NBEA: variants seen among roughly 807,000 people sequenced by gnomAD.
The protein encoded by NBEA is neurobeachin.
A neutral mutation model predicts 343.4 loss-of-function variants in NBEA; 44 were observed. That is an observed-to-expected ratio of 0.13 (90% confidence interval 0.10 to 0.16). The LOEUF (loss-of-function observed/expected upper bound fraction) is 0.16, where lower values mean the gene tolerates loss of function less well. Ranked by LOEUF, NBEA falls within the 10% of genes least tolerant of loss-of-function variation. The pLI, the probability that NBEA is intolerant of heterozygous loss-of-function variation, is 1.00. For missense variants in NBEA, 2,555 were observed against 3,631.3 expected (o/e 0.70, Z 7.62); for synonymous variants, 1,175 against 1,238.7 (o/e 0.95, Z 1.08).
At chr13:35,209,258 G>A (rs1178766761) in intron 32 of NBEA, among the ~76,000 whole-genome samples, 1 of 152,306 alleles carries the variant, frequency 6.6e-6, no homozygotes, top group East Asian at 1.9e-4. Context: ...GATTGGTTGA[G>A]TTCTAATATA....
At chr13:35,206,442 A>G (rs1266258636) in intron 31 of NBEA, among the ~76,000 whole-genome samples, 1 of 152,154 alleles carries the variant, frequency 6.6e-6, no homozygotes. Context: ...TACTTTCACT[A>G]ATGACTTATC....
chr13:35,597,941 G>A (rs1232406014), intron 47 of NBEA, among the ~76,000 whole-genome samples: 4 of 152,112 alleles, frequency 2.6e-5, no homozygotes, highest in Admixed American at 1.3e-4. Context: ...GGATTACTGT[G>A]CCCACCTTCG....
chr13:35,627,932 A>C (rs1203246519), intron 48 of NBEA, 149 bp from the exon 49 acceptor site: 11 of 534,220 alleles, frequency 2.1e-5, no homozygotes, highest in Non-Finnish European at 3.4e-5. Context: ...ATTTCTAGGA[A>C]CTGAAGATCT....
At chr13:35,569,371 T>C (rs1330599471) in intron 45 of NBEA, among the ~76,000 whole-genome samples, 1 of 152,198 alleles carries the variant, frequency 6.6e-6, no homozygotes, top group Non-Finnish European at 1.5e-5. Flanking sequence ...TTATAAAATA[T>C]ATATACGATA....
chr13:35,066,100 A>G (rs778684440), intron 8 of NBEA, among the ~76,000 whole-genome samples: 1 of 152,062 alleles, frequency 6.6e-6, no homozygotes, highest in African/African-American at 2.4e-5. Context: ...AGCTGGGACT[A>G]TAGGCACAAG....
In NBEA at chr13:34,990,342, A is replaced by C. The variant is rs562864324; in HGVS notation, c.294+47228A>C. ...TCTGCCAGGATATCCAGACATTTCT[A>C]TTCTCTGATAGCTATTTGGAGGCTC... On this transcript the variant is annotated intron_variant, in intron 1 of 58. Coordinates refer to ENST00000379939, the MANE Select transcript of NBEA (RefSeq NM_001385012.1). 1.5e-3 allele frequency among the ~76,000 whole-genome samples: 226 copies of C among 151,208 alleles called. 2 individuals are homozygous for C. The highest frequency in any genetic ancestry group is 5.0e-3 in the African/African-American group (207 of 41,490).
chr13:35,331,170 A>G (rs980018967), intron 36 of NBEA, among the ~76,000 whole-genome samples: 2 of 152,026 alleles, frequency 1.3e-5, no homozygotes, highest in African/African-American at 4.8e-5. Flanking sequence ...AAAAGGAACT[A>G]CCATTTTCAG....
intron 10 of NBEA, among the ~76,000 whole-genome samples, chr13:35,092,422 A>AT (rs1229851822): frequency 6.6e-6 from 1 of 152,000 alleles, no homozygotes; most frequent in African/African-American, 2.4e-5. Flanking sequence ...AGATGCAATG[A>AT]AAAGACACAG....
At chr13:35,471,432 T>A (rs2075643963) in intron 40 of NBEA, among the ~76,000 whole-genome samples, 1 of 152,208 alleles carries the variant, frequency 6.6e-6, no homozygotes, top group South Asian at 2.1e-4. Context: ...GGGATTATGA[T>A]GCGCCCTTGC....
At chr13:35,461,102 C>T (rs141085814) in intron 40 of NBEA, among the ~76,000 whole-genome samples, 450 of 152,266 alleles carry the variant, frequency 3.0e-3, no homozygotes, top group Middle Eastern at 0.014. Flanking sequence ...GACCCAGTCA[C>T]CTCTTAAAGG....
chr13:35,567,023 T>C lies in NBEA; in HGVS notation c.7035+6T>C. ...ACTTCAGGGATCTATCAAAGGTAAC[T>C]TTTAAATATATAGAAGTCAGCTTTC... On this transcript the variant is annotated splice_donor_region_variant and intron_variant, in intron 45 of 58. Transcript: ENST00000379939. 3 of 1,506,732 alleles carry C rather than the reference T, an allele frequency of 2.0e-6. No individual in the cohort carries two copies. Among genetic ancestry groups the C allele is most frequent in the Non-Finnish European group, 2.8e-6 (3 of 1,084,688 alleles). 93.3% of individuals were successfully genotyped at this position (1,506,732 alleles called of 1,614,324 possible).
intron 41 of NBEA, among the ~76,000 whole-genome samples, chr13:35,535,245 A>G (rs1487061093): frequency 6.6e-6 from 1 of 152,198 alleles, no homozygotes; most frequent in Non-Finnish European, 1.5e-5. Context: ...CAAAAACACC[A>G]TGGGAAATTC....
In NBEA at chr13:35,211,064, T is replaced by C. The variant is rs2073741888; in HGVS notation, c.5533T>C (p.Ser1845Pro). 2.6e-6 allele frequency: 4 copies of C among 1,550,518 alleles called. No individual in the cohort carries two copies. Among genetic ancestry groups the C allele is most frequent in the Non-Finnish European group, 3.5e-6 (4 of 1,146,458 alleles). Residue 1845 changes from serine (S) to proline (P), a missense_variant, in exon 33 of 59, where the codon TCA becomes CCA. By Grantham distance (74) the Ser-to-Pro change is moderately conservative. Transcript: ENST00000379939. ...TATTTTGGGAACAGGTGCCGTGGATTCAGGGTCCTCCTCCTCTTCCTCCTC... is the reference window on the plus strand; with the variant it reads ...TATTTTGGGAACAGGTGCCGTGGATCCAGGGTCCTCCTCCTCTTCCTCCTC... ...SMINTTGAVD[S>P]GSSSSSSSSS...
At chr13:35,279,127 G>A (rs1376430201) in intron 34 of NBEA, among the ~76,000 whole-genome samples, 1 of 152,146 alleles carries the variant, frequency 6.6e-6, no homozygotes, top group Non-Finnish European at 1.5e-5. Context: ...AATAAAGCAA[G>A]CCCTGGCCAA....
intron 38 of NBEA, among the ~76,000 whole-genome samples, chr13:35,394,056 A>C (rs773630475): frequency 8.5e-5 from 13 of 152,132 alleles, no homozygotes; most frequent in Non-Finnish European, 1.8e-4. Context: ...GAACTATTTT[A>C]TATCATTGTA....
intron 41 of NBEA, among the ~76,000 whole-genome samples, chr13:35,541,226 G>A (rs1222695281): frequency 6.6e-6 from 1 of 151,094 alleles, no homozygotes; most frequent in Non-Finnish European, 1.5e-5. Context: ...TTACATACAT[G>A]TTTACATATG....
At position 35,118,427 on chromosome 13, in the gene NBEA, A is replaced by T; in HGVS notation, c.2196A>T (p.Glu732Asp). ...VLQLLVALMS[E>D]HPASMIPAFD... ...AGTTACTGGTGGCTTTAATGTCGGAACACCCAGCCTCAATGATACCAGCAT... is the reference window on the plus strand; with the variant it reads ...AGTTACTGGTGGCTTTAATGTCGGATCACCCAGCCTCAATGATACCAGCAT... Residue 732 changes from glutamate (E) to aspartate (D), a missense_variant, in exon 16 of 59, where the codon GAA (glutamate) becomes GAT (aspartate). Glu to Asp is a conservative substitution (Grantham distance 45). This residue lies in a region of NBEA where 360 missense variants were observed against 519.1 expected (regional missense o/e 0.69). Transcript: ENST00000379939. 1 of 1,607,252 alleles carries T rather than the reference A, an allele frequency of 6.2e-7. No homozygotes were observed. Among genetic ancestry groups the T allele is most frequent in the Non-Finnish European group, 8.5e-7 (1 of 1,177,282 alleles).
intron 44 of NBEA, among the ~76,000 whole-genome samples, chr13:35,559,223 T>A (rs1188424085): frequency 6.6e-6 from 1 of 152,168 alleles, no homozygotes; most frequent in Admixed American, 6.5e-5. Flanking sequence ...TCCTGATTGG[T>A]GGACAGTGTG....
intron 48 of NBEA, among the ~76,000 whole-genome samples, chr13:35,620,861 T>C (rs1332006988): frequency 6.6e-6 from 1 of 152,132 alleles, no homozygotes; most frequent in African/African-American, 2.4e-5. Flanking sequence ...GTATCTCTAG[T>C]CTTACAGAGG....
Sources: allele counts gnomAD v4.1 joint callset (sites outside exome capture counted in the v4.1 genomes callset), GRCh38; gene constraint gnomAD v4.1.1; regional missense constraint gnomAD v4.1.1; transcripts MANE v1.5; gene names NCBI Gene and HGNC (gene_info 2026-07-23, HGNC 2026-07-21).